The following PLXDC1 variants were observed in gnomAD, a reference collection of about 807,000 sequenced individuals.
The protein encoded by PLXDC1 is plexin domain-containing protein 1.
Under a neutral mutation model 61.3 loss-of-function variants are expected in PLXDC1, and 39 were observed. That is an observed-to-expected ratio of 0.64 (90% CI 0.49 to 0.83). The LOEUF (loss-of-function observed/expected upper bound fraction) is 0.83. PLXDC1 is among the 40% of genes least tolerant of loss of function. The pLI, the probability that PLXDC1 is intolerant of heterozygous loss-of-function variation, is 0.00. For missense variants in PLXDC1, 596 were observed against 666.5 expected, an observed-to-expected ratio of 0.89 and a Z score of 1.17; for synonymous variants, 212 against 254.5, an observed-to-expected ratio of 0.83 and a Z score of 1.59.
rs112238407 is a variant in PLXDC1, at chr17:39,133,227, G to A, written c.255+6427C>T. On this transcript the variant is annotated intron_variant, in intron 2 of 13. Transcript: ENST00000315392. ...AGGGCGTTTGCGGTCTGGCTGCTGG[G>A]GGTATCACCAGCATTCTCAGGTGAA... is the stretch of plus-strand genomic sequence containing the variant. 5.3e-3 allele frequency among the ~76,000 whole-genome samples: 803 copies of A among 152,232 alleles called. 7 individuals are homozygous for A. Among genetic ancestry groups the A allele is most frequent in the African/African-American group, 0.018 (755 of 41,540 alleles).
rs753228760 is a variant in PLXDC1, at chr17:39,078,007, G to A, written c.1092C>T (p.His364=). Residue 364 remains histidine, a synonymous_variant, in exon 11 of 14, where the codon CAC becomes CAT. Transcript: ENST00000315392. ...AGGAAGTGTCAGGGGAGGCTGAGTC[G>A]TGGTCCTCATCCTGGAAGTCCTCGC... ...RMCEDFQDED[H]DSASPDTSFS... 9.9e-6 allele frequency: 16 copies of A among 1,612,716 alleles called. No individual in the cohort carries two copies. Among genetic ancestry groups the A allele is most frequent in the Middle Eastern group, 1.6e-4 (1 of 6,078 alleles).
chr17:39,104,615 C>G (rs768433583), intron 7 of PLXDC1, among the ~76,000 whole-genome samples: 5 of 152,042 alleles, frequency 3.3e-5, no homozygotes, highest in Non-Finnish European at 7.4e-5. Flanking sequence ...AAGGCCCTGT[C>G]TCTACAAAAA....
At chr17:39,150,346 C>A (rs1393057527) in intron 1 of PLXDC1, among the ~76,000 whole-genome samples, 1 of 152,156 alleles carries the variant, frequency 6.6e-6, no homozygotes, top group African/African-American at 2.4e-5. Flanking sequence ...TGACACTGTG[C>A]CTGGTGCCAG....
In PLXDC1 at chr17:39,146,053, T is replaced by C. The variant is rs75048252; in HGVS notation, c.76+5309A>G. On this transcript the variant is annotated intron_variant, in intron 1 of 13. Coordinates refer to ENST00000315392, the MANE Select transcript of PLXDC1 (RefSeq NM_020405.5). ...AGGAGTAATTAAGCATTAATCAGGCTGCACTTCGGCCCATTCCTTTTTTTT... is the reference window on the plus strand; with the variant it reads ...AGGAGTAATTAAGCATTAATCAGGCCGCACTTCGGCCCATTCCTTTTTTTT... Among the ~76,000 whole-genome samples the C allele has an allele frequency of 6.5e-3, 975 of 150,058 alleles. 12 individuals are homozygous for C. Among genetic ancestry groups the C allele is most frequent in the African/African-American group, 0.023 (917 of 40,604 alleles).
chr17:39,094,948 G>C (rs983555869), intron 7 of PLXDC1, among the ~76,000 whole-genome samples: 1 of 152,192 alleles, frequency 6.6e-6, no homozygotes, highest in African/African-American at 2.4e-5. Flanking sequence ...TCCCTCATCA[G>C]AAGGAAGGGG....
At chr17:39,094,326 C>T (rs1910062868) in intron 7 of PLXDC1, among the ~76,000 whole-genome samples, 3 of 152,200 alleles carry the variant, frequency 2.0e-5, no homozygotes. Context: ...CAAAAATAAA[C>T]ATGAAACTCC....
At chr17:39,072,303 C>T in intron 12 of PLXDC1, 147 bp downstream of exon 12, 1 of 671,748 alleles carries the variant, frequency 1.5e-6, no homozygotes, top group East Asian at 2.7e-5. Context: ...CCTGCCTCCC[C>T]ACCCAGCAGG....
At chr17:39,074,013 C>G (rs1375673433) in intron 11 of PLXDC1, among the ~76,000 whole-genome samples, 1 of 152,158 alleles carries the variant, frequency 6.6e-6, no homozygotes, top group Non-Finnish European at 1.5e-5. Flanking sequence ...GCAGGCCCCT[C>G]TGGCTGGAGT....
chr17:39,066,106 T>G lies in PLXDC1; in HGVS notation c.*1734A>C, dbSNP rs1426340143. On this transcript the variant is annotated 3_prime_UTR_variant, in exon 14 of 14. Transcript: ENST00000315392. ...TCAAGGAGCCCTCTAGCCACCCGAC[T>G]TGTCTTTAATGCCTATAAAATCCAG... The G allele has an allele frequency of 4.6e-5, 7 of 152,264 alleles. No individual in the cohort carries two copies. Among genetic ancestry groups the G allele is most frequent in the African/African-American group, 1.7e-4 (7 of 41,454 alleles). The allele number at this position is 152,264 out of a possible 1,614,324, so 9.4% of individuals were successfully genotyped here.
intron 2 of PLXDC1, among the ~76,000 whole-genome samples, chr17:39,117,504 A>C (rs912685922): frequency 6.6e-6 from 1 of 152,190 alleles, no homozygotes; most frequent in Non-Finnish European, 1.5e-5. Flanking sequence ...GCTGAGGCAG[A>C]AACATCGCTT....
chr17:39,077,376 GAA>G, intron 11 of PLXDC1, among the ~76,000 whole-genome samples: 1 of 152,278 alleles, frequency 6.6e-6, no homozygotes, highest in Admixed American at 6.5e-5. Context: ...AGGTAGCAGG[GAA>G]GCCCCTAGAT....
At chr17:39,135,676 TA>T (rs35762241) in intron 2 of PLXDC1, among the ~76,000 whole-genome samples, 3,202 of 104,352 alleles carry the variant, frequency 0.031, 91 homozygotes, top group Middle Eastern at 0.1. Flanking sequence ...ACACTCCGTC[TA>T]AAAAAAAAAA....
chr17:39,074,128 T>A (rs988099589), intron 11 of PLXDC1, among the ~76,000 whole-genome samples: 87 of 152,162 alleles, frequency 5.7e-4, no homozygotes, highest in African/African-American at 2.1e-3. Flanking sequence ...CTGTGTGGGC[T>A]GTAACCACAC....
chr17:39,077,486 A>G (rs574997240), intron 11 of PLXDC1, among the ~76,000 whole-genome samples: 1 of 152,306 alleles, frequency 6.6e-6, no homozygotes, highest in South Asian at 2.1e-4. Flanking sequence ...GATCATACAG[A>G]AAAACAAGGC....
intron 8 of PLXDC1, among the ~76,000 whole-genome samples, chr17:39,086,146 T>G (rs1909733175): frequency 6.6e-6 from 1 of 152,242 alleles, no homozygotes; most frequent in South Asian, 2.1e-4. Context: ...TGGATGTCCT[T>G]GCTCCTAAAT....
At chr17:39,114,547 G>A (rs16232) in intron 2 of PLXDC1, among the ~76,000 whole-genome samples, 13,686 of 152,156 alleles carry the variant, frequency 0.09, 739 homozygotes, top group Non-Finnish European at 0.12. Flanking sequence ...CTGTAAGATC[G>A]TAAGACCCCA....
At chr17:39,127,200 T>C (rs1468371051) in intron 2 of PLXDC1, among the ~76,000 whole-genome samples, 3 of 152,134 alleles carry the variant, frequency 2.0e-5, no homozygotes, top group Non-Finnish European at 2.9e-5. Context: ...ACCTTACAGA[T>C]GAGGAAACAG....
chr17:39,079,618 C>T (rs1909477319), intron 9 of PLXDC1: 3 of 450,416 alleles, frequency 6.7e-6, no homozygotes, highest in South Asian at 1.6e-5. Context: ...GCATTTCTGA[C>T]GGTCCTGCCA....
intron 2 of PLXDC1, among the ~76,000 whole-genome samples, chr17:39,129,688 AAAAG>A (rs1305179766): frequency 1.0e-3 from 65 of 65,062 alleles, no homozygotes; most frequent in East Asian, 2.5e-3. Context: ...AGGGAGAAAG[AAAAG>A]AAAGAAAGAA....
Sources: allele counts gnomAD v4.1 joint callset (sites outside exome capture counted in the v4.1 genomes callset), GRCh38; gene constraint gnomAD v4.1.1; transcripts MANE v1.5; gene names NCBI Gene and HGNC (gene_info 2026-07-23, HGNC 2026-07-21).